Variants in ZBTB32 observed in about 807,000 individuals in gnomAD.
ZBTB32 encodes the protein zinc finger and BTB domain-containing protein 32.
In ZBTB32, 28 loss-of-function variants were observed where a neutral mutation model predicts 45.3. The observed-to-expected ratio is 0.62, with a 90% confidence interval of 0.46 to 0.85. The LOEUF is 0.85. Ranked by LOEUF, ZBTB32 falls within the 40% of genes least tolerant of loss-of-function variation. ZBTB32 has a pLI of 0.00. For missense variants in ZBTB32, 587 were observed against 624.4 expected (o/e 0.94, Z 0.64); for synonymous variants, 283 against 255.7 (o/e 1.11, Z -1.02).
Position 35,716,568 on chromosome 19 carries a change from C to G in ZBTB32, c.1280C>G (p.Pro427Arg), listed in dbSNP as rs1043171548. Residue 427 changes from proline to arginine, a missense_variant, in exon 7 of 7, where the codon CCG becomes CGG. Coordinates refer to ENST00000392197, the MANE Select transcript of ZBTB32 (RefSeq NM_014383.3). ...CACCTGCGGACACACGGGGCCGCTC[C>G]GTACCGCTGCTCCCTGTGCGGGGCC... ...TKHLRTHGAA[P>R]YRCSLCGAGC... 8.7e-6 allele frequency: 14 copies of G among 1,613,198 alleles called. No homozygotes were observed. The Admixed American group carries it at 1.7e-4, about 19-fold the overall frequency.
chr19:35,712,515 G>C (rs1228087637), intron 1 of ZBTB32, among the ~76,000 whole-genome samples: 1 of 152,152 alleles, frequency 6.6e-6, no homozygotes, highest in East Asian at 1.9e-4. Context: ...AGGGATAAGA[G>C]AATAATAAGA....
rs1418314674 is a variant in ZBTB32, at chr19:35,713,820, A to G, written c.-104-703A>G. ...GAGAGGAAACAGCCTCCCTGTCTCCAGTCCCCACGTCCTTTCCTCCCATCT... is the reference window on the plus strand; with the variant it reads ...GAGAGGAAACAGCCTCCCTGTCTCCGGTCCCCACGTCCTTTCCTCCCATCT... On this transcript the variant is annotated intron_variant, in intron 2 of 6. Transcript: ENST00000392197. Among the ~76,000 whole-genome samples, 4 of 152,250 alleles carry G rather than the reference A, an allele frequency of 2.6e-5. No individual in the cohort carries two copies. The East Asian group carries it at 5.8e-4, about 22-fold the overall frequency.
rs1474632476 is a variant in ZBTB32, at chr19:35,716,724, C to G, written c.1436C>G (p.Pro479Arg). Residue 479 changes from proline (P) to arginine (R), a missense_variant, in exon 7 of 7, where the codon CCC becomes CGC. By Grantham distance (103) the Pro-to-Arg change is moderately radical. Coordinates refer to ENST00000392197, the MANE Select transcript of ZBTB32 (RefSeq NM_014383.3). ...AGGCCGTCTCGGCCCTCGACCTCTC[C>G]CTGTTGTCCTTCTTCCTCCACCACC... ...SSRPSRPSTS[P>R]CCPSSSTT is the part of the protein sequence containing the mutation. 1 of 1,609,954 alleles carries G rather than the reference C, an allele frequency of 6.2e-7. No individual in the cohort carries two copies. The highest frequency in any genetic ancestry group is 1.3e-5 in the African/African-American group (1 of 74,876).
intron 1 of ZBTB32, among the ~76,000 whole-genome samples, chr19:35,709,735 C>A (rs959106306): frequency 6.6e-6 from 1 of 151,802 alleles, no homozygotes; most frequent in African/African-American, 2.4e-5. Context: ...AAAAATTAGC[C>A]GGGTTTGGTG....
In ZBTB32 at chr19:35,715,232, A is replaced by G. The variant is rs772736715; in HGVS notation, c.606A>G (p.Gln202=). 10 of 1,603,700 alleles carry G rather than the reference A, an allele frequency of 6.2e-6. No individual in the cohort carries two copies. In the South Asian group the frequency reaches 7.7e-5, roughly 12 times the overall value. The change falls in exon 3 of 7, where the codon CAA becomes CAG. Residue 202 remains glutamine, a synonymous_variant. Coordinates refer to ENST00000392197, the MANE Select transcript of ZBTB32 (RefSeq NM_014383.3). ...KEKRLQAPVG[Q]RGADGKHGVL... ...AACGCCTCCAAGCCCCTGTTGGCCAAAGGGGAGCAGATGGGAAGCATGGAG... is the reference window on the plus strand; with the variant it reads ...AACGCCTCCAAGCCCCTGTTGGCCAGAGGGGAGCAGATGGGAAGCATGGAG...
In ZBTB32 at chr19:35,716,818, C is replaced by T; in HGVS notation, c.*66C>T. The T allele has an allele frequency of 6.5e-7, 1 of 1,537,528 alleles. No homozygotes were observed. ...AACGAAAAGCGGGCCGGCTCGGCTT[C>T]TGACCTGGCACCGCTGCTACGGCGG... On this transcript the variant is annotated 3_prime_UTR_variant, in exon 7 of 7. Transcript: ENST00000392197.
At position 35,715,758 on chromosome 19, in the gene ZBTB32, A is replaced by C. The variant is rs1317359643; in HGVS notation, c.883A>C (p.Ile295Leu). The change falls in exon 4 of 7, where the codon ATC (isoleucine) becomes CTC (leucine). Residue 295 changes from isoleucine to leucine, a missense_variant and splice_region_variant. Coordinates refer to ENST00000392197, the MANE Select transcript of ZBTB32 (RefSeq NM_014383.3). ...TAACTCTTCCCCACCCCATCCCAGG[A>C]TCCCACTGTCCCTAAATGCCCCCAA... is the stretch of plus-strand genomic sequence containing the variant. ...AWQEVWREQRIPLSLNAPKGL... is the reference protein window; with the variant it reads ...AWQEVWREQRLPLSLNAPKGL... 2 of 1,610,216 alleles carry C rather than the reference A, an allele frequency of 1.2e-6. No individual in the cohort carries two copies. The highest frequency in any genetic ancestry group is 2.2e-5 in the South Asian group (2 of 90,856).
intron 1 of ZBTB32, among the ~76,000 whole-genome samples, chr19:35,707,662 C>T (rs1968581557): frequency 6.6e-6 from 1 of 152,058 alleles, no homozygotes; most frequent in Admixed American, 6.5e-5. Flanking sequence ...GCCACCGCAC[C>T]CGGCCTGTGT....
chr19:35,716,635 T>C lies in ZBTB32; in HGVS notation c.1347T>C (p.Gly449=), dbSNP rs1414290512. Residue 449 remains glycine (G), a synonymous_variant, in exon 7 of 7, where the codon GGT becomes GGC. Coordinates refer to ENST00000392197, the MANE Select transcript of ZBTB32 (RefSeq NM_014383.3). ...CCTCCATGCAGGCGCACATGCGCGGTCACTCGCCCAGCCAACTCCCGCCCG... is the reference window on the plus strand; with the variant it reads ...CCTCCATGCAGGCGCACATGCGCGGCCACTCGCCCAGCCAACTCCCGCCCG... ...SLASMQAHMR[G]HSPSQLPPGW... 6.2e-7 allele frequency: 1 copy of C among 1,613,618 alleles called. No individual in the cohort carries two copies. The highest frequency in any genetic ancestry group is 1.3e-5 in the African/African-American group (1 of 75,030).
chr19:35,713,396 G>GC (rs1968757256), intron 2 of ZBTB32: 1 of 152,480 alleles, frequency 6.6e-6, no homozygotes, highest in Non-Finnish European at 1.5e-5. Flanking sequence ...TCCAGGGGGG[G>GC]CCCCAGGAGC....
chr19:35,715,008 C>G lies in ZBTB32; in HGVS notation c.382C>G (p.Gln128Glu). ...KKPDPGLKKHQEEPEKPSRNP... is the reference protein window; with the variant it reads ...KKPDPGLKKHEEEPEKPSRNP... ...GCCAGATCCAGGCCTGAAGAAACAT[C>G]AGGAGGAGCCAGAGAAACCCTCAAG... Residue 128 changes from glutamine to glutamate, a missense_variant, in exon 3 of 7, where the codon CAG (glutamine) becomes GAG (glutamate). Transcript: ENST00000392197. The G allele has an allele frequency of 6.2e-7, 1 of 1,610,530 alleles. No individual in the cohort carries two copies.
intron 1 of ZBTB32, among the ~76,000 whole-genome samples, chr19:35,704,841 C>CT (rs1377027025): frequency 1.6e-4 from 24 of 152,232 alleles, no homozygotes; most frequent in South Asian, 8.3e-4. Flanking sequence ...AGCTTGCTCT[C>CT]TGAGTTGGTC....
chr19:35,715,135 C>T lies in ZBTB32; in HGVS notation c.509C>T (p.Pro170Leu), dbSNP rs1568361424. Residue 170 changes from proline to leucine, a missense_variant, in exon 3 of 7, where the codon CCA (proline) becomes CTA (leucine). Physicochemically the swap from Pro to Leu is moderately conservative, Grantham distance 98. Coordinates refer to ENST00000392197, the MANE Select transcript of ZBTB32 (RefSeq NM_014383.3). The stretch of plus-strand genomic sequence containing the variant: ...CAGGAGATGTTGCACAAGCACTCGC[C>T]ACCAAGAGGCAGACCCGAGATGGCA... ...REQEMLHKHS[P>L]PRGRPEMAGA... The T allele has an allele frequency of 6.2e-7, 1 of 1,613,962 alleles. No individual in the cohort carries two copies. The highest frequency in any genetic ancestry group is 8.5e-7 in the Non-Finnish European group (1 of 1,180,000).
chr19:35,713,346 A>C (rs2146416557), intron 2 of ZBTB32: 1 of 152,412 alleles, frequency 6.6e-6, no homozygotes, highest in African/African-American at 2.4e-5. Context: ...GATACTTGGG[A>C]CATCCAATGG....
Position 35,716,233 on chromosome 19 carries a change from C to T in ZBTB32, c.1125C>T (p.Cys375=), listed in dbSNP as rs754805810. 6.2e-6 allele frequency: 10 copies of T among 1,613,816 alleles called. No homozygotes were observed. The highest frequency in any genetic ancestry group is 1.7e-5 in the Admixed American group (1 of 59,994). ...CTGCTCGGTCTCGGCCCTATGCGTG[C>T]TCTGTCTGTGGAAAGAGGTTTTCAC... ...APPARSRPYA[C]SVCGKRFSLK... is the part of the protein sequence containing the mutation. Residue 375 remains cysteine (C), a synonymous_variant, in exon 6 of 7, where the codon TGC becomes TGT. Transcript: ENST00000392197.
chr19:35,706,044 C>G (rs1425720415), intron 1 of ZBTB32, among the ~76,000 whole-genome samples: 2 of 151,488 alleles, frequency 1.3e-5, no homozygotes, highest in East Asian at 3.9e-4. Flanking sequence ...GCATGACCAA[C>G]ATGGAGAAAC....
chr19:35,708,091 T>C (rs899231327), intron 1 of ZBTB32, among the ~76,000 whole-genome samples: 4 of 152,208 alleles, frequency 2.6e-5, no homozygotes, highest in African/African-American at 9.6e-5. Context: ...TTATGGGGCC[T>C]GGGCAAGATG....
rs750424655 is a variant in ZBTB32, at chr19:35,716,134, C to A, written c.1026C>A (p.Gly342=). 45 of 1,613,478 alleles carry A rather than the reference C, an allele frequency of 2.8e-5. No homozygotes were observed. The highest frequency in any genetic ancestry group is 9.3e-5 in the African/African-American group (7 of 74,920). Residue 342 remains glycine (G), a splice_region_variant and synonymous_variant, in exon 6 of 7, where the codon GGC becomes GGA. Coordinates refer to ENST00000392197, the MANE Select transcript of ZBTB32 (RefSeq NM_014383.3). ...CCTTTGCCTTCTCTGTCCCCACAGG[C>A]GCACTTGCAACCTGTGCGGGTCATG... ...EMEESDQGHT[G]ALATCAGHED... is the part of the protein sequence containing the mutation.
intron 1 of ZBTB32, among the ~76,000 whole-genome samples, chr19:35,707,872 C>T (rs925719109): frequency 1.3e-5 from 2 of 152,048 alleles, no homozygotes; most frequent in African/African-American, 4.8e-5. Flanking sequence ...GTCCCAGCTA[C>T]TCAGGAGGCT....
Sources: gnomAD v4.1 joint callset for allele counts (sites outside exome capture counted in the v4.1 genomes callset) on GRCh38, gnomAD v4.1.1 for gene constraint, MANE v1.5 for transcripts, NCBI Gene and HGNC (gene_info 2026-07-23, HGNC 2026-07-21) for gene names.